The following ITGA4 variants were observed in gnomAD, a reference collection of about 807,000 sequenced individuals.
ITGA4 encodes integrin subunit alpha 4.
Under a neutral mutation model 133.6 loss-of-function variants are expected in ITGA4, and 63 were observed. The observed-to-expected ratio is 0.47, with a 90% confidence interval of 0.38 to 0.58. The LOEUF (loss-of-function observed/expected upper bound fraction) is 0.58, where lower values mean the gene tolerates loss of function less well. ITGA4 is among the 20% of genes least tolerant of loss of function. ITGA4 has a pLI of 0.00. For synonymous variants in ITGA4, 483 were observed against 438.0 expected (o/e 1.10, Z -1.28); for missense variants, 1,076 against 1,252.7 (o/e 0.86, Z 2.13).
intron 2 of ITGA4, chr2:181,458,573 C>A: frequency 2.1e-6 from 1 of 486,220 alleles, no homozygotes; most frequent in East Asian, 3.6e-5. Flanking sequence ...TCTTATGATA[C>A]CTTCTCTTCA....
intron 26 of ITGA4, 84 bp from the exon 27 acceptor site, chr2:181,534,732 C>T: frequency 8.5e-7 from 1 of 1,173,850 alleles, no homozygotes; most frequent in Admixed American, 2.7e-5. Flanking sequence ...GGGATTATGG[C>T]AGGGCTTTAA....
In ITGA4 at chr2:181,536,791, T is replaced by G. The variant is rs1359108773; in HGVS notation, c.*1264T>G. 2 of 254,214 alleles carry G rather than the reference T, an allele frequency of 7.9e-6. No homozygotes were observed. Among genetic ancestry groups the G allele is most frequent in the Admixed American group, 9.9e-5 (2 of 20,120 alleles). The allele number at this position is 254,214 out of a possible 1,614,324, so 15.7% of individuals were successfully genotyped here. A position where few individuals can be genotyped will look rare whatever the true frequency, so the allele number is the denominator to read the frequency against. ...ACAATCATTTTTGTAATATTTATTT[T>G]ATGCTTATGATCTAGATAATTGCAG... On this transcript the variant is annotated 3_prime_UTR_variant, in exon 28 of 28. Coordinates refer to ENST00000397033, the MANE Select transcript of ITGA4 (RefSeq NM_000885.6).
chr2:181,501,923 T>C (rs770236605), intron 15 of ITGA4, among the ~76,000 whole-genome samples: 2 of 152,032 alleles, frequency 1.3e-5, no homozygotes, highest in African/African-American at 2.4e-5. Context: ...CTTTGGCATA[T>C]GGATGGTATT....
chr2:181,499,957 T>C (rs754951996), intron 15 of ITGA4, among the ~76,000 whole-genome samples: 1 of 152,160 alleles, frequency 6.6e-6, no homozygotes, highest in African/African-American at 2.4e-5. Flanking sequence ...TTCCTGTAAA[T>C]AAGGGATCAT....
intron 2 of ITGA4, among the ~76,000 whole-genome samples, chr2:181,462,629 A>G (rs1685312676): frequency 1.3e-5 from 2 of 152,208 alleles, no homozygotes; most frequent in South Asian, 2.1e-4. Context: ...ACAATTATGT[A>G]GAAAATCAAG....
At chr2:181,472,445 G>C (rs1685577768) in intron 2 of ITGA4, among the ~76,000 whole-genome samples, 2 of 152,002 alleles carry the variant, frequency 1.3e-5, no homozygotes, top group Non-Finnish European at 2.9e-5. Flanking sequence ...TATTATTTGT[G>C]ACCCCCATCC....
chr2:181,482,924 C>A (rs1356247861), intron 9 of ITGA4, among the ~76,000 whole-genome samples: 1 of 152,014 alleles, frequency 6.6e-6, no homozygotes, highest in African/African-American at 2.4e-5. Context: ...GCTGAAATTT[C>A]TTTCAGTTTT....
intron 2 of ITGA4, among the ~76,000 whole-genome samples, chr2:181,473,886 A>AGG (rs1461183455): frequency 6.6e-6 from 1 of 152,206 alleles, no homozygotes. Flanking sequence ...ACATTATAGG[A>AGG]GGAGACAAAG....
chr2:181,463,774 A>G (rs992898976), intron 2 of ITGA4, among the ~76,000 whole-genome samples: 1 of 152,134 alleles, frequency 6.6e-6, no homozygotes, highest in African/African-American at 2.4e-5. Context: ...GGTCTGTACT[A>G]GCAAATCAGA....
Position 181,522,194 on chromosome 2 carries a change from C to T in ITGA4, c.1926C>T (p.Pro642=). The T allele has an allele frequency of 6.4e-7, 1 of 1,567,180 alleles. No individual in the cohort carries two copies. The highest frequency in any genetic ancestry group is 8.7e-7 in the Non-Finnish European group (1 of 1,151,576). The stretch of plus-strand genomic sequence containing the variant: ...AATAATATTACTTAATTTTTAGGCC[C>T]CATGAAAATAAAACATATCTTGCTG... The part of the protein sequence containing the change: ...QVSAKIGFLK[P]HENKTYLAVG... Residue 642 remains proline, a synonymous_variant, in exon 18 of 28, where the codon CCC becomes CCT. Coordinates refer to ENST00000397033, the MANE Select transcript of ITGA4 (RefSeq NM_000885.6).
At chr2:181,509,855 ATTT>A (rs1559051589) in intron 16 of ITGA4, 48 bp downstream of exon 16, 1 of 1,393,384 alleles carries the variant, frequency 7.2e-7, no homozygotes, top group Admixed American at 1.9e-5. Context: ...ATTTAACTAA[ATTT>A]TTAAAATATG....
At chr2:181,534,189 C>A in intron 25 of ITGA4, 83 bp from the exon 26 acceptor site, 1 of 822,716 alleles carries the variant, frequency 1.2e-6, no homozygotes. Context: ...TTGTGAAAAC[C>A]TCTAGCTAGA....
chr2:181,538,618 A>G lies in ITGA4; in HGVS notation c.*3091A>G, dbSNP rs1383598923. Among the ~76,000 whole-genome samples the G allele has an allele frequency of 6.6e-6, 1 of 152,138 alleles. No individual in the cohort carries two copies. Among genetic ancestry groups the G allele is most frequent in the Non-Finnish European group, 1.5e-5 (1 of 68,002 alleles). ...ACCTGTTTATACCAGTTGCTATGTA[A>G]AATTGTTCCCAAGGGAAGTTGAATG... is the stretch of plus-strand genomic sequence containing the variant. On this transcript the variant is annotated 3_prime_UTR_variant, in exon 28 of 28. Coordinates refer to ENST00000397033, the MANE Select transcript of ITGA4 (RefSeq NM_000885.6).
chr2:181,502,804 G>A (rs1346133010), intron 15 of ITGA4, among the ~76,000 whole-genome samples: 2 of 152,078 alleles, frequency 1.3e-5, no homozygotes, highest in Admixed American at 6.6e-5. Flanking sequence ...TGTAGCCTGT[G>A]TGCTTGTGTT....
Position 181,529,194 on chromosome 2 carries a change from C to T in ITGA4, c.2431-347C>T, listed in dbSNP as rs1408891386. ...TGAATACCAAAATGTTGGCCTACCT[C>T]ATGAGAACCAAATGATATTTTTAAA... is the stretch of plus-strand genomic sequence containing the variant. On this transcript the variant is annotated intron_variant, in intron 22 of 27. Coordinates refer to ENST00000397033, the MANE Select transcript of ITGA4 (RefSeq NM_000885.6). 2.0e-5 allele frequency among the ~76,000 whole-genome samples: 3 copies of T among 152,134 alleles called. No individual in the cohort carries two copies. In the East Asian group the frequency reaches 5.8e-4, roughly 29 times the overall value.
At position 181,457,422 on chromosome 2, in the gene ITGA4, C is replaced by T. The variant is rs1219006384; in HGVS notation, c.-233C>T. 4.1e-6 allele frequency: 2 copies of T among 483,022 alleles called. No homozygotes were observed. The highest frequency in any genetic ancestry group is 7.3e-6 in the Non-Finnish European group (2 of 272,426). 29.9% of individuals were successfully genotyped at this position (483,022 alleles called of 1,614,324 possible). A position where few individuals can be genotyped will look rare whatever the true frequency, so the allele number is the denominator to read the frequency against. On this transcript the variant is annotated 5_prime_UTR_variant, in exon 1 of 28. Transcript: ENST00000397033. ...AGCACCCGAAGCTCCCGGCTGGCGGCAGAAACCGGGAGTGGGGCCGGGCGA... is the reference window on the plus strand; with the variant it reads ...AGCACCCGAAGCTCCCGGCTGGCGGTAGAAACCGGGAGTGGGGCCGGGCGA...
At chr2:181,533,495 C>T (rs986032189) in intron 25 of ITGA4, among the ~76,000 whole-genome samples, 2 of 152,066 alleles carry the variant, frequency 1.3e-5, no homozygotes, top group Non-Finnish European at 2.9e-5. Context: ...GGGGGGTTGT[C>T]CTGTGCATTG....
Position 181,481,668 on chromosome 2 carries a change from T to C in ITGA4, c.825T>C (p.His275=), listed in dbSNP as rs768601450. The change falls in exon 7 of 28, where the codon CAT becomes CAC. Residue 275 remains histidine, a synonymous_variant. Coordinates refer to ENST00000397033, the MANE Select transcript of ITGA4 (RefSeq NM_000885.6). ...AAGTAGTCGGAGGAGCTCCTCAACA[T>C]GAGCAGATTGGTAAGGTAAGAATTA... ...TTEVVGGAPQ[H]EQIGKAYIFS... is the part of the protein sequence containing the mutation. 3.8e-6 allele frequency: 6 copies of C among 1,582,282 alleles called. No individual in the cohort carries two copies. The highest frequency in any genetic ancestry group is 4.3e-6 in the Non-Finnish European group (5 of 1,153,818).
At chr2:181,519,723 T>C (rs957800630) in intron 17 of ITGA4, among the ~76,000 whole-genome samples, 1 of 152,156 alleles carries the variant, frequency 6.6e-6, no homozygotes, top group Non-Finnish European at 1.5e-5. Context: ...GGGGTACAGA[T>C]CGCAATGTGG....
Sources: gnomAD v4.1 joint callset for allele counts (sites outside exome capture counted in the v4.1 genomes callset) on GRCh38, gnomAD v4.1.1 for gene constraint, MANE v1.5 for transcripts, NCBI Gene and HGNC (gene_info 2026-07-23, HGNC 2026-07-21) for gene names.